Variants in PTPN3 observed in about 807,000 individuals in gnomAD.
The protein encoded by PTPN3 is tyrosine-protein phosphatase non-receptor type 3.
In PTPN3, 96 loss-of-function variants were observed where a neutral mutation model predicts 132.7. That is an observed-to-expected ratio of 0.72 (90% confidence interval 0.61 to 0.86). The LOEUF (loss-of-function observed/expected upper bound fraction) is 0.86. Ranked by LOEUF, PTPN3 falls within the 40% of genes least tolerant of loss-of-function variation. The pLI, the probability that PTPN3 is intolerant of heterozygous loss-of-function variation, is 0.00. For synonymous variants in PTPN3, 398 were observed against 429.0 expected, an observed-to-expected ratio of 0.93 and a Z score of 0.89; for missense variants, 1,125 against 1,159.6, an observed-to-expected ratio of 0.97 and a Z score of 0.43.
chr9:109,453,028 T>C (rs1845355992), intron 5 of PTPN3, among the ~76,000 whole-genome samples: 1 of 152,156 alleles, frequency 6.6e-6, no homozygotes, highest in African/African-American at 2.4e-5. Flanking sequence ...AGAGCTGGTA[T>C]GGGGAAAACT....
chr9:109,447,531 T>G (rs1844944006), intron 6 of PTPN3, among the ~76,000 whole-genome samples: 1 of 152,210 alleles, frequency 6.6e-6, no homozygotes, highest in South Asian at 2.1e-4. Context: ...CTACCTTGAA[T>G]GGCAGGATGA....
intron 6 of PTPN3, among the ~76,000 whole-genome samples, chr9:109,448,574 C>G (rs1422661193): frequency 6.6e-6 from 1 of 152,158 alleles, no homozygotes; most frequent in Admixed American, 6.5e-5. Flanking sequence ...AGAAAGATAG[C>G]TGCATCCTTT....
intron 8 of PTPN3, among the ~76,000 whole-genome samples, chr9:109,437,593 T>C (rs542763568): frequency 6.6e-5 from 10 of 152,154 alleles, no homozygotes; most frequent in Non-Finnish European, 1.3e-4. Flanking sequence ...GCAGCCAGAA[T>C]TGGGCATATG....
At chr9:109,521,387 C>T in the PTPN3 span, among the ~76,000 whole-genome samples, 2 of 152,156 alleles carry the variant, frequency 1.3e-5, no homozygotes, top group East Asian at 1.9e-4. Context: ...TTCGAACTCC[C>T]GAACTTAGGT....
At chr9:109,389,950 C>G (rs1839919738) in intron 21 of PTPN3, among the ~76,000 whole-genome samples, 1 of 152,098 alleles carries the variant, frequency 6.6e-6, no homozygotes, top group South Asian at 2.1e-4. Context: ...CCTTTTTGCC[C>G]TCTGGACTGA....
intron 9 of PTPN3, among the ~76,000 whole-genome samples, chr9:109,434,757 G>A (rs1301271073): frequency 2.0e-5 from 3 of 152,132 alleles, no homozygotes; most frequent in African/African-American, 4.8e-5. Context: ...AACCCACCTC[G>A]AAGCGTTTTT....
At chr9:109,488,890 G>C (rs62576459) in intron 1 of PTPN3, among the ~76,000 whole-genome samples, 4 of 152,134 alleles carry the variant, frequency 2.6e-5, no homozygotes, top group Non-Finnish European at 4.4e-5. Flanking sequence ...TCCATCCAAT[G>C]CCCATCCTCT....
chr9:109,420,539 C>T lies in PTPN3; in HGVS notation c.1198G>A (p.Ala400Thr). ...TCCGTGATGTAGGTCATTTCATTTG[C>T]AAGGTTATCTGCAGAAGAGTGGCGT... ...KPRHSSADNL[A>T]NEMTYITETE... is the part of the protein sequence containing the mutation. Residue 400 changes from alanine to threonine, a missense_variant, in exon 14 of 26, where the codon GCA becomes ACA. By Grantham distance (58) the Ala-to-Thr change is moderately conservative (BLOSUM62 0). Coordinates refer to ENST00000374541, the MANE Select transcript of PTPN3 (RefSeq NM_002829.4). 6.2e-7 allele frequency: 1 copy of T among 1,613,272 alleles called. No homozygotes were observed. Among genetic ancestry groups the T allele is most frequent in the Non-Finnish European group, 8.5e-7 (1 of 1,179,952 alleles).
At chr9:109,533,892 A>ATCTATAAGG in the PTPN3 span, 1 of 759,130 alleles carries the variant, frequency 1.3e-6, no homozygotes, top group East Asian at 2.4e-5. Flanking sequence ...CGTGGATAGC[A>ATCTATAAGG]TCTATAAGGG....
At chr9:109,504,112 A>C in the PTPN3 span, among the ~76,000 whole-genome samples, 1 of 152,308 alleles carries the variant, frequency 6.6e-6, no homozygotes, top group Middle Eastern at 3.4e-3. Context: ...CAAAGACCTG[A>C]AGGAGATGAG....
At chr9:109,532,503 G>T in the PTPN3 span, among the ~76,000 whole-genome samples, 1 of 151,190 alleles carries the variant, frequency 6.6e-6, no homozygotes. Flanking sequence ...AATTAAAAAT[G>T]AAGTTCTTAC....
At chr9:109,515,422 G>C in the PTPN3 span, among the ~76,000 whole-genome samples, 4 of 152,018 alleles carry the variant, frequency 2.6e-5, no homozygotes, top group African/African-American at 4.8e-5. Context: ...GCGCAGGGGG[G>C]GTCTTATACT....
At chr9:109,513,941 G>A in the PTPN3 span, among the ~76,000 whole-genome samples, 3 of 152,130 alleles carry the variant, frequency 2.0e-5, no homozygotes, top group African/African-American at 7.2e-5. Flanking sequence ...TGTTGCTCCA[G>A]CTGGGTGTTC....
At chr9:109,466,861 G>C (rs1846124774) in intron 1 of PTPN3, among the ~76,000 whole-genome samples, 1 of 152,168 alleles carries the variant, frequency 6.6e-6, no homozygotes, top group South Asian at 2.1e-4. Flanking sequence ...ATGACAGGGG[G>C]CACCGGTTAG....
intron 14 of PTPN3, among the ~76,000 whole-genome samples, chr9:109,418,397 G>C (rs994926730): frequency 6.6e-6 from 1 of 152,234 alleles, no homozygotes; most frequent in East Asian, 1.9e-4. Context: ...GAGACAGAGG[G>C]TGCTGGGCTG....
At chr9:109,384,954 C>T (rs976740422) in intron 22 of PTPN3, among the ~76,000 whole-genome samples, 1 of 152,156 alleles carries the variant, frequency 6.6e-6, no homozygotes, top group Non-Finnish European at 1.5e-5. Context: ...CTGTAGGGCC[C>T]AAGGCAGAGT....
At position 109,472,080 on chromosome 9, in the gene PTPN3, T is replaced by C. The variant is rs139376501; in HGVS notation, c.-17-8629A>G. On this transcript the variant is annotated intron_variant, in intron 1 of 25. Transcript: ENST00000374541. ...GGGAGAAGTGCTTCCTAAATCATTG[T>C]TGATGAAGTAACAGATTTTCCAGTC... Among the ~76,000 whole-genome samples, 473 of 152,348 alleles carry C rather than the reference T, an allele frequency of 3.1e-3. 3 individuals are homozygous for C. Among genetic ancestry groups the C allele is most frequent in the African/African-American group, 0.011 (455 of 41,584 alleles).
the PTPN3 span, among the ~76,000 whole-genome samples, chr9:109,507,388 C>G: frequency 6.6e-6 from 1 of 152,150 alleles, no homozygotes; most frequent in African/African-American, 2.4e-5. Context: ...ATTTCATTGC[C>G]GAGAAACTGG....
chr9:109,536,334 C>T, the PTPN3 span, among the ~76,000 whole-genome samples: 38 of 152,262 alleles, frequency 2.5e-4, no homozygotes, highest in African/African-American at 8.7e-4. Context: ...TCCATGTATA[C>T]CGATCTTCAA....
Sources: allele counts gnomAD v4.1 joint callset (sites outside exome capture counted in the v4.1 genomes callset), GRCh38; gene constraint gnomAD v4.1.1; transcripts MANE v1.5; gene names NCBI Gene and HGNC (gene_info 2026-07-23, HGNC 2026-07-21).